Variants in ANXA8 observed in about 807,000 individuals in gnomAD.
ANXA8 encodes the protein VAC-beta.
Under a neutral mutation model 26.8 loss-of-function variants are expected in ANXA8, and 9 were observed. The observed-to-expected ratio is 0.34, with a 90% confidence interval of 0.20 to 0.59. ANXA8 has a LOEUF of 0.59. Among genes scored for constraint, ANXA8 ranks in the 20% least tolerant of loss-of-function variants. The probability of loss-of-function intolerance (pLI) is 0.84; values close to 1 mark genes in which losing one functional copy is unlikely to be tolerated. For synonymous variants in ANXA8, 39 were observed against 94.8 expected (o/e 0.41, Z 3.42); for missense variants, 83 against 238.5 (o/e 0.35, Z 4.29).
At chr10:47,696,471 T>C in the ANXA8 span, 2 of 1,402,584 alleles carry the variant, frequency 1.4e-6, no homozygotes, top group Non-Finnish European at 1.9e-6. Context: ...CAGTCAGTTA[T>C]TAAATCTTGG....
chr10:47,947,079 T>C, the ANXA8 span, among the ~76,000 whole-genome samples: 1 of 145,354 alleles, frequency 6.9e-6, no homozygotes, highest in Non-Finnish European at 1.5e-5. Flanking sequence ...CAAGCAGCCC[T>C]GGCCTGCATT....
the ANXA8 span, among the ~76,000 whole-genome samples, chr10:47,685,346 C>G: frequency 1.2e-5 from 1 of 82,986 alleles, no homozygotes; most frequent in Non-Finnish European, 2.6e-5. Flanking sequence ...GAATCTGTCT[C>G]AAAAAAAAAA....
chr10:47,956,849 C>A, the ANXA8 span, among the ~76,000 whole-genome samples: 1 of 150,094 alleles, frequency 6.7e-6, no homozygotes, highest in Non-Finnish European at 1.5e-5. Flanking sequence ...GGGAAGGAGA[C>A]GGCTCTGCTT....
the ANXA8 span, among the ~76,000 whole-genome samples, chr10:47,613,531 G>A: frequency 9.2e-6 from 1 of 108,662 alleles, no homozygotes; most frequent in African/African-American, 3.2e-5. Context: ...AGATATTTTT[G>A]TATCCTTTTA....
the ANXA8 span, among the ~76,000 whole-genome samples, chr10:47,740,144 TA>T: frequency 7.5e-6 from 1 of 132,736 alleles, no homozygotes; most frequent in Non-Finnish European, 1.6e-5. Context: ...CACATCCAAA[TA>T]ATAGAAAAAG....
chr10:47,684,776 G>T, the ANXA8 span, among the ~76,000 whole-genome samples: 3 of 150,668 alleles, frequency 2.0e-5, no homozygotes. Flanking sequence ...AGTAGAGACG[G>T]GGTTTTACCA....
At chr10:47,549,296 C>G in the ANXA8 span, 47 of 1,501,420 alleles carry the variant, frequency 3.1e-5, 2 homozygotes, top group South Asian at 5.1e-4. Context: ...GCTGCCCCTG[C>G]TCACTTACCA....
the ANXA8 span, among the ~76,000 whole-genome samples, chr10:47,652,567 A>G: frequency 6.6e-6 from 1 of 150,864 alleles, no homozygotes; most frequent in East Asian, 1.9e-4. Flanking sequence ...ACTGCCCTCC[A>G]GCCTGGTCAA....
upstream of ANXA8, among the ~76,000 whole-genome samples, chr10:47,485,689 G>C (rs1760701052): frequency 6.6e-6 from 1 of 151,898 alleles, no homozygotes; most frequent in African/African-American, 2.4e-5. Context: ...AAAATGTTAA[G>C]TTAAATGCTA....
chr10:47,727,474 G>GGT, the ANXA8 span, among the ~76,000 whole-genome samples: 1 of 144,960 alleles, frequency 6.9e-6, no homozygotes, highest in Non-Finnish European at 1.5e-5. Context: ...TGTTTTTTGT[G>GGT]TTTTTTTTTA....
chr10:47,702,346 T>TTC, the ANXA8 span, among the ~76,000 whole-genome samples: 10 of 149,564 alleles, frequency 6.7e-5, no homozygotes, highest in Admixed American at 4.6e-4. Context: ...TTCTTTTCTT[T>TTC]TTTTTTTTTT....
chr10:47,898,811 A>ATTTTTTTTTTTTTTT, the ANXA8 span, among the ~76,000 whole-genome samples: 4 of 56,258 alleles, frequency 7.1e-5, no homozygotes, highest in African/African-American at 2.6e-4. Flanking sequence ...AAGAGAATGG[A>ATTTTTTTTTTTTTTT]TTTTTTTTTT....
the ANXA8 span, among the ~76,000 whole-genome samples, chr10:47,700,315 G>A: frequency 1.3e-5 from 2 of 152,028 alleles, no homozygotes; most frequent in South Asian, 2.1e-4. Context: ...AAGTAGACCA[G>A]TGGAATAGAG....
the ANXA8 span, among the ~76,000 whole-genome samples, chr10:47,958,098 T>C: frequency 5.3e-5 from 8 of 150,252 alleles, no homozygotes; most frequent in African/African-American, 1.7e-4. Context: ...AGGATTTTAA[T>C]AATAACTATT....
the ANXA8 span, among the ~76,000 whole-genome samples, chr10:47,631,221 G>A: frequency 6.6e-6 from 1 of 151,164 alleles, no homozygotes; most frequent in South Asian, 2.1e-4. Context: ...AGATGGTATA[G>A]TACGAGAAAG....
the ANXA8 span, among the ~76,000 whole-genome samples, chr10:47,639,470 G>A: frequency 6.6e-6 from 1 of 152,290 alleles, no homozygotes; most frequent in Non-Finnish European, 1.5e-5. Context: ...CCGCCACCGC[G>A]CCCGGCTAAT....
the ANXA8 span, among the ~76,000 whole-genome samples, chr10:47,777,765 T>C: frequency 4.6e-5 from 7 of 151,868 alleles, no homozygotes; most frequent in Admixed American, 4.6e-4. Context: ...AAACGATGTA[T>C]CCCTCTTAGG....
At chr10:47,540,385 A>G in the ANXA8 span, among the ~76,000 whole-genome samples, 120 of 115,886 alleles carry the variant, frequency 1.0e-3, 12 homozygotes, top group African/African-American at 3.4e-3. Context: ...ATGGTTCCCT[A>G]ACACCACACT....
the ANXA8 span, among the ~76,000 whole-genome samples, chr10:47,713,081 A>T: frequency 6.6e-6 from 1 of 151,608 alleles, no homozygotes; most frequent in Admixed American, 6.6e-5. Flanking sequence ...GGCATGAGCC[A>T]GCCACCGCAC....
Sources: gnomAD v4.1 joint callset for allele counts (sites outside exome capture counted in the v4.1 genomes callset) on GRCh38, gnomAD v4.1.1 for gene constraint, MANE v1.5 for transcripts, NCBI Gene and HGNC (gene_info 2026-07-23, HGNC 2026-07-21) for gene names.